AFF3: variants seen among roughly 807,000 people sequenced by gnomAD.
AFF3 encodes AF4/FMR2 family member 3.
Under a neutral mutation model 129.7 loss-of-function variants are expected in AFF3, and 32 were observed. The ratio of observed to expected loss-of-function variants is 0.25; its 90% CI spans 0.19 to 0.33. AFF3 has a LOEUF of 0.33. Ranked by LOEUF, AFF3 falls within the 10% of genes least tolerant of loss-of-function variation. The pLI, the probability that AFF3 is intolerant of heterozygous loss-of-function variation, is 1.00. For missense variants in AFF3, 1,373 were observed against 1,592.0 expected (o/e 0.86, Z 2.34); for synonymous variants, 644 against 635.4 (o/e 1.01, Z -0.20).
chr2:99,630,708 G>C, intron 13 of AFF3: 1 of 159,330 alleles, frequency 6.3e-6, no homozygotes, highest in Non-Finnish European at 1.4e-5. Context: ...GAGAGAGACA[G>C]AGAGTGAGCA....
chr2:99,989,341 G>T (rs140880856), intron 7 of AFF3, among the ~76,000 whole-genome samples: 140 of 152,266 alleles, frequency 9.2e-4, no homozygotes, highest in African/African-American at 3.2e-3. Flanking sequence ...CAGGACAAAA[G>T]AATCCAGAAT....
chr2:100,093,578 G>GA lies in AFF3; in HGVS notation c.53+10823dup, dbSNP rs1398403582. Among the ~76,000 whole-genome samples the GA allele has an allele frequency of 2.6e-5, 4 of 152,002 alleles. 1 individual carries two copies. In the East Asian group the frequency reaches 7.7e-4, roughly 29 times the overall value. On this transcript the variant is annotated intron_variant, in intron 4 of 24. Transcript: ENST00000672756. ...ATTCAAAGATTAAACTCTACTTATT[G>GA]AAAAAAATTAAAGGAAGTCACTTAC...
intron 13 of AFF3, among the ~76,000 whole-genome samples, chr2:99,639,409 C>T (rs1440321572): frequency 6.6e-6 from 1 of 152,160 alleles, no homozygotes; most frequent in Non-Finnish European, 1.5e-5. Flanking sequence ...AGCAGTGAGG[C>T]CAAGGGGCTC....
chr2:99,916,600 C>T (rs1695491716), intron 7 of AFF3, among the ~76,000 whole-genome samples: 1 of 152,124 alleles, frequency 6.6e-6, no homozygotes, highest in Non-Finnish European at 1.5e-5. Context: ...AGAGCAAGAT[C>T]TTCCAACAGG....
chr2:99,865,428 A>C (rs1018815170), intron 7 of AFF3, among the ~76,000 whole-genome samples: 10 of 152,230 alleles, frequency 6.6e-5, no homozygotes, highest in African/African-American at 2.2e-4. Flanking sequence ...CCTGGCTGTC[A>C]AATTGCTTGG....
At chr2:99,881,240 C>T (rs1460899933) in intron 7 of AFF3, among the ~76,000 whole-genome samples, 2 of 152,010 alleles carry the variant, frequency 1.3e-5, no homozygotes, top group African/African-American at 4.8e-5. Context: ...AAATAGCATC[C>T]ACTTCTGACA....
intron 4 of AFF3, among the ~76,000 whole-genome samples, chr2:100,059,608 G>A (rs1687091765): frequency 6.6e-6 from 1 of 152,168 alleles, no homozygotes; most frequent in South Asian, 2.1e-4. Flanking sequence ...TAGATGAGGT[G>A]TATGGTATGT....
chr2:99,928,753 A>T (rs1228027842), intron 7 of AFF3, among the ~76,000 whole-genome samples: 1 of 152,200 alleles, frequency 6.6e-6, no homozygotes, highest in Non-Finnish European at 1.5e-5. Flanking sequence ...TGGGTAAGGT[A>T]ACACCATGGC....
intron 7 of AFF3, among the ~76,000 whole-genome samples, chr2:99,953,195 C>A (rs1006491582): frequency 6.6e-6 from 1 of 152,120 alleles, no homozygotes; most frequent in Non-Finnish European, 1.5e-5. Context: ...ACAAGCTGTG[C>A]AATTTGGGGA....
intron 12 of AFF3, among the ~76,000 whole-genome samples, chr2:99,669,445 T>C (rs1686961614): frequency 1.7e-5 from 2 of 120,090 alleles, no homozygotes; most frequent in Non-Finnish European, 3.4e-5. Flanking sequence ...CAATGTTGAA[T>C]GAAAGAAGCA....
chr2:99,693,885 T>C lies in AFF3; in HGVS notation c.1092-21296A>G, dbSNP rs1245435267. ...AGTTATCCCATCTAAAATCTAGCCTTTTCACTGTAGAAATCCACATTTCTC... is the reference window on the plus strand; with the variant it reads ...AGTTATCCCATCTAAAATCTAGCCTCTTCACTGTAGAAATCCACATTTCTC... On this transcript the variant is annotated intron_variant, in intron 11 of 24. Coordinates refer to ENST00000672756, the MANE Select transcript of AFF3 (RefSeq NM_001386135.1). 2.0e-5 allele frequency among the ~76,000 whole-genome samples: 3 copies of C among 152,276 alleles called. No homozygotes were observed. The East Asian group carries it at 5.8e-4, about 29-fold the overall frequency.
intron 11 of AFF3, among the ~76,000 whole-genome samples, chr2:99,705,950 G>C (rs1053936595): frequency 1.3e-5 from 2 of 150,704 alleles, no homozygotes; most frequent in Non-Finnish European, 2.9e-5. Flanking sequence ...GGGCAATGGT[G>C]GTTTCCAAAT....
intron 13 of AFF3, among the ~76,000 whole-genome samples, chr2:99,633,031 G>A (rs890064423): frequency 1.3e-5 from 2 of 151,468 alleles, no homozygotes; most frequent in Admixed American, 6.6e-5. Flanking sequence ...TTTTTTTAGT[G>A]CGACTGTACT....
chr2:99,926,854 T>A (rs995533073), intron 7 of AFF3, among the ~76,000 whole-genome samples: 70 of 149,920 alleles, frequency 4.7e-4, no homozygotes, highest in African/African-American at 9.5e-4. Context: ...ATTAAAAATT[T>A]AAAAAAAAAA....
At chr2:99,749,968 T>G (rs1295763039) in intron 9 of AFF3, among the ~76,000 whole-genome samples, 1 of 152,186 alleles carries the variant, frequency 6.6e-6, no homozygotes, top group Non-Finnish European at 1.5e-5. Flanking sequence ...TATAATAACT[T>G]ACTGACCATT....
chr2:99,900,226 A>G (rs1694248662), intron 7 of AFF3, among the ~76,000 whole-genome samples: 1 of 152,198 alleles, frequency 6.6e-6, no homozygotes, highest in Non-Finnish European at 1.5e-5. Flanking sequence ...CAAAGTGATG[A>G]TGATGAAAGT....
rs190674073 is a variant in AFF3 at position 99,608,048 on chromosome 2, C to A, written c.1185-6427G>T. On this transcript the variant is annotated intron_variant, in intron 13 of 24. Transcript: ENST00000672756. ...TCTGCAACACTTCCAAGAATGATTT[C>A]TCTATACAACTTGGCTTTTGAAGCT... is the stretch of plus-strand genomic sequence containing the variant. 1.4e-3 allele frequency among the ~76,000 whole-genome samples: 212 copies of A among 152,280 alleles called. 1 individual carries two copies. The highest frequency in any genetic ancestry group is 4.6e-3 in the African/African-American group (190 of 41,560).
At chr2:100,099,282 G>C (rs1690532755) in intron 4 of AFF3, among the ~76,000 whole-genome samples, 1 of 152,038 alleles carries the variant, frequency 6.6e-6, no homozygotes, top group African/African-American at 2.4e-5. Flanking sequence ...GTCAAGATCA[G>C]GGATCTGTAG....
chr2:100,025,582 C>T (rs1438498588), intron 4 of AFF3, among the ~76,000 whole-genome samples: 1 of 152,092 alleles, frequency 6.6e-6, no homozygotes, highest in African/African-American at 2.4e-5. Context: ...AAAGAGCCCA[C>T]ATAGCCAAAG....
Sources: gnomAD v4.1 joint callset for allele counts (sites outside exome capture counted in the v4.1 genomes callset) on GRCh38, gnomAD v4.1.1 for gene constraint, MANE v1.5 for transcripts, NCBI Gene and HGNC (gene_info 2026-07-23, HGNC 2026-07-21) for gene names.